Variants in HHLA1 observed in about 807,000 individuals in gnomAD.
HHLA1 encodes HHLA1 neighbor of OC90.
HHLA1 carries 72 observed loss-of-function variants against 69.9 expected under a neutral mutation model. The observed-to-expected ratio is 1.03, with a 90% CI of 0.85 to 1.25. HHLA1 has a LOEUF of 1.25. Ranked by LOEUF, HHLA1 falls within the 50% of genes most tolerant of loss-of-function variation. HHLA1 has a pLI of 0.00. For missense variants in HHLA1, 685 were observed against 642.2 expected (o/e 1.07, Z -0.72); for synonymous variants, 252 against 233.2 (o/e 1.08, Z -0.73).
At chr8:132,076,439 A>AACC in intron 13 of HHLA1, 36 bp downstream of exon 13, 5 of 291,690 alleles carry the variant, frequency 1.7e-5, no homozygotes, top group Non-Finnish European at 3.0e-5. Context: ...CCCATCCCCC[A>AACC]CCCCCAAACC....
chr8:132,076,625 G>T, intron 12 of HHLA1, 82 bp from the exon 13 acceptor site: 2 of 879,690 alleles, frequency 2.3e-6, no homozygotes, highest in Non-Finnish European at 1.7e-6. Flanking sequence ...CACCTATCCT[G>T]CCCTATCCAA....
chr8:132,095,474 A>G (rs963737616), intron 7 of HHLA1, 45 bp downstream of exon 7: 51 of 1,325,448 alleles, frequency 3.8e-5, no homozygotes, highest in Non-Finnish European at 2.5e-5. Flanking sequence ...AAAGGACACA[A>G]GCAAAATTGG....
intron 15 of HHLA1, among the ~76,000 whole-genome samples, chr8:132,066,766 A>T (rs1005034886): frequency 9.9e-5 from 15 of 152,228 alleles, no homozygotes; most frequent in African/African-American, 3.6e-4. Flanking sequence ...TCCAAGGGCT[A>T]TCACCCCCAA....
At chr8:132,079,492 A>T (rs936138559) in intron 11 of HHLA1, among the ~76,000 whole-genome samples, 2 of 152,248 alleles carry the variant, frequency 1.3e-5, no homozygotes, top group Non-Finnish European at 2.9e-5. Context: ...ATAAAAAGGC[A>T]TCAAAATACA....
chr8:132,098,895 A>C lies in HHLA1; in HGVS notation c.267T>G (p.Ser89Arg). 1.9e-6 allele frequency: 3 copies of C among 1,549,378 alleles called. No individual in the cohort carries two copies. The highest frequency in any genetic ancestry group is 2.6e-6 in the Non-Finnish European group (3 of 1,144,930). Residue 89 changes from serine (S) to arginine (R), a missense_variant, in exon 5 of 17, where the codon AGT (serine) becomes AGG (arginine). By Grantham distance (110) the Ser-to-Arg change is moderately radical (BLOSUM62 -1). Coordinates refer to ENST00000414222, the MANE Select transcript of HHLA1 (RefSeq NM_001145095.3). ...NLTELVNGML[S>R]RALKDSKKFF... ...AAATATGATTACCTTTTAACGCTCT[A>C]CTGAGCATCCCATTCACAAGCTCTG... is the stretch of plus-strand genomic sequence containing the variant.
intron 10 of HHLA1, among the ~76,000 whole-genome samples, chr8:132,081,334 C>A (rs532034542): frequency 1.3e-5 from 2 of 152,216 alleles, no homozygotes; most frequent in South Asian, 4.2e-4. Flanking sequence ...TGGGCTGTAC[C>A]CTGTAGCATT....
chr8:132,078,928 CTTTAT>C lies in HHLA1; in HGVS notation c.925+785_925+789del, dbSNP rs566046594. On this transcript the variant is annotated intron_variant, in intron 11 of 16. Coordinates refer to ENST00000414222, the MANE Select transcript of HHLA1 (RefSeq NM_001145095.3). ...TTTTTGTTTGTTTGTTTTTTCTGCA[CTTTAT>C]TTTATTTTAAGTCTTAGGTTACATG... Among the ~76,000 whole-genome samples, 1,159 of 152,090 alleles carry C rather than the reference CTTTAT, an allele frequency of 7.6e-3. 9 individuals carry two copies. Among genetic ancestry groups the C allele is most frequent in the African/African-American group, 0.025 (1,043 of 41,494 alleles).
chr8:132,094,848 C>A (rs186972061), intron 7 of HHLA1, among the ~76,000 whole-genome samples: 6 of 152,178 alleles, frequency 3.9e-5, no homozygotes, highest in African/African-American at 1.4e-4. Flanking sequence ...TCATAGTGCA[C>A]GCTCAGATGG....
At chr8:132,092,533 T>C (rs947530452) in intron 7 of HHLA1, among the ~76,000 whole-genome samples, 4 of 152,184 alleles carry the variant, frequency 2.6e-5, no homozygotes, top group African/African-American at 4.8e-5. Context: ...GTTCTCATGA[T>C]AGTGAGTGAG....
intron 12 of HHLA1, 31 bp from the exon 13 acceptor site, chr8:132,076,574 C>T (rs1823648543): frequency 5.5e-6 from 8 of 1,452,604 alleles, no homozygotes; most frequent in Non-Finnish European, 6.4e-6. Context: ...GGTGAGCCTG[C>T]ATCTCTTCTA....
At chr8:132,081,138 C>A in intron 10 of HHLA1, 1 of 69,782 alleles carries the variant, frequency 1.4e-5, no homozygotes, top group East Asian at 3.1e-4. Context: ...TAGATATCAG[C>A]TGTGATGGCT....
At chr8:132,086,551 C>G (rs556151017) in intron 10 of HHLA1, among the ~76,000 whole-genome samples, 2 of 152,050 alleles carry the variant, frequency 1.3e-5, no homozygotes, top group South Asian at 4.1e-4. Context: ...TAAATATGTT[C>G]TCTCTTCCTA....
chr8:132,069,549 C>T (rs1456157661), intron 15 of HHLA1: 1 of 152,138 alleles, frequency 6.6e-6, no homozygotes, highest in Admixed American at 6.5e-5. Flanking sequence ...CTTCATTGCT[C>T]TAAATTTAAA....
At chr8:132,097,075 A>G (rs1482390195) in intron 5 of HHLA1, among the ~76,000 whole-genome samples, 2 of 152,330 alleles carry the variant, frequency 1.3e-5, no homozygotes, top group East Asian at 3.9e-4. Context: ...AGTGGTGCCC[A>G]TTCCCCCTCG....
chr8:132,097,712 G>A (rs1041675813), intron 5 of HHLA1, among the ~76,000 whole-genome samples: 24 of 152,242 alleles, frequency 1.6e-4, no homozygotes, highest in Admixed American at 2.0e-4. Flanking sequence ...CCTTCTTATC[G>A]TGCACCTCCC....
rs757730171 is a variant in HHLA1, at chr8:132,077,719, C to A, written c.1171+7G>T. ...CGGGAGAGGTAGAAGTGAGCACCCT[C>A]TCTTACCCAAGGTAGGGCTGGCCTG... On this transcript the variant is annotated splice_region_variant and intron_variant, in intron 12 of 16. Coordinates refer to ENST00000414222, the MANE Select transcript of HHLA1 (RefSeq NM_001145095.3). 5.2e-6 allele frequency: 8 copies of A among 1,551,188 alleles called. No homozygotes were observed. In the African/African-American group the frequency reaches 1.1e-4, roughly 21 times the overall value.
intron 14 of HHLA1, among the ~76,000 whole-genome samples, chr8:132,074,821 A>G (rs1205579520): frequency 1.3e-5 from 2 of 152,228 alleles, no homozygotes. Context: ...GATGGCTTGG[A>G]TAAATATCTA....
chr8:132,080,890 A>T (rs531973575), intron 10 of HHLA1: 89 of 151,996 alleles, frequency 5.9e-4, no homozygotes, highest in African/African-American at 2.1e-3. Context: ...TATTGTGGGG[A>T]TGTTAGAAGA....
At chr8:132,099,011 A>T (rs2130897352) in intron 4 of HHLA1, 49 bp from the exon 5 acceptor site, 1 of 1,357,220 alleles carries the variant, frequency 7.4e-7, no homozygotes, top group Middle Eastern at 1.8e-4. Flanking sequence ...TCTCGGCAAG[A>T]GAAAAAGTTT....
Sources: gnomAD v4.1 joint callset for allele counts (sites outside exome capture counted in the v4.1 genomes callset) on GRCh38, gnomAD v4.1.1 for gene constraint, MANE v1.5 for transcripts, NCBI Gene and HGNC (gene_info 2026-07-23, HGNC 2026-07-21) for gene names.